Variants in PKD1L3 observed in about 807,000 individuals in gnomAD.
PKD1L3 encodes the protein polycystin 1 like 3, transient receptor potential channel interacting.
A neutral mutation model predicts 184.1 loss-of-function variants in PKD1L3; 239 were observed. The ratio of observed to expected loss-of-function variants is 1.30; its 90% CI spans 1.17 to 1.45. PKD1L3 has a LOEUF of 1.45. Ranked by LOEUF, PKD1L3 falls within the 40% of genes most tolerant of loss-of-function variation. The probability of loss-of-function intolerance (pLI) is 0.00; values close to 1 mark genes in which losing one functional copy is unlikely to be tolerated. For missense variants in PKD1L3, 2,660 were observed against 2,067.2 expected (o/e 1.29, Z -5.56); for synonymous variants, 996 against 778.8 (o/e 1.28, Z -4.64).
intron 26 of PKD1L3, among the ~76,000 whole-genome samples, chr16:71,934,941 G>A (rs759349689): frequency 3.3e-5 from 5 of 152,242 alleles, no homozygotes; most frequent in Non-Finnish European, 7.3e-5. Context: ...AAATCTCTTA[G>A]TATGGATGAG....
chr16:71,981,760 C>T (rs146627778), intron 7 of PKD1L3, among the ~76,000 whole-genome samples: 4 of 152,118 alleles, frequency 2.6e-5, no homozygotes, highest in South Asian at 2.1e-4. Context: ...AGGCTGGTCT[C>T]GAACTCCTGA....
At position 71,943,537 on chromosome 16, in the gene PKD1L3, C is replaced by CAAAAAA. The variant is rs10693124; in HGVS notation, c.3859+487_3859+492dup. Among the ~76,000 whole-genome samples, 43 of 84,416 alleles carry CAAAAAA rather than the reference C, an allele frequency of 5.1e-4. 1 individual carries two copies. Among genetic ancestry groups the CAAAAAA allele is most frequent in the East Asian group, 1.4e-3 (4 of 2,962 alleles). 55.4% of individuals were successfully genotyped at this position (84,416 alleles called of 152,430 possible). On this transcript the variant is annotated intron_variant, in intron 23 of 29. Coordinates refer to ENST00000620267, the MANE Select transcript of PKD1L3 (RefSeq NM_181536.2). ...TGGGCAACAAAGTGAGACTCCGTCT[C>CAAAAAA]AAAAAAAAAAAAAAAAAAAAACATA...
chr16:71,955,302 G>A (rs1264894742), intron 16 of PKD1L3, among the ~76,000 whole-genome samples: 2 of 152,030 alleles, frequency 1.3e-5, no homozygotes, highest in East Asian at 3.9e-4. Context: ...GCAGGGAGAG[G>A]AGTGGGAGGG....
intron 12 of PKD1L3, among the ~76,000 whole-genome samples, chr16:71,972,265 G>A (rs1361894315): frequency 6.6e-6 from 1 of 152,090 alleles, no homozygotes; most frequent in Non-Finnish European, 1.5e-5. Flanking sequence ...TGGGTGTGGT[G>A]GTGCATGCCT....
chr16:71,999,605 A>T, intron 1 of PKD1L3, 79 bp downstream of exon 1: 1 of 1,301,858 alleles, frequency 7.7e-7, no homozygotes, highest in Non-Finnish European at 1.0e-6. Flanking sequence ...CAGAAAGATT[A>T]AGATTTTCTT....
intron 21 of PKD1L3, among the ~76,000 whole-genome samples, chr16:71,948,362 C>T (rs961086915): frequency 1.8e-4 from 27 of 152,166 alleles, no homozygotes; most frequent in African/African-American, 5.1e-4. Flanking sequence ...GGTTTACAGG[C>T]GTGAGCCCCC....
At chr16:71,963,702 G>C (rs1192413814) in intron 15 of PKD1L3, among the ~76,000 whole-genome samples, 1 of 152,110 alleles carries the variant, frequency 6.6e-6, no homozygotes, top group Non-Finnish European at 1.5e-5. Context: ...AGGATTGTTT[G>C]AGCCCGGGAG....
In PKD1L3 at chr16:71,942,772, CG is replaced by C. The variant is rs1348135299; in HGVS notation, c.4111del (p.Arg1371ValfsTer34). On this transcript the variant is annotated frameshift_variant, in exon 24 of 30. Transcript: ENST00000620267. LOFTEE classifies it high-confidence loss of function. ...GTCCACTTTCTCATAGGTCTTGGTA[CG>C]GGGTATTTGGAAAATTAATTGTACC... ...CGVQLIFQIP[R>X]TKTYEKVDEG... 7.1e-6 allele frequency: 11 copies of C among 1,551,476 alleles called. No individual in the cohort carries two copies. Among genetic ancestry groups the C allele is most frequent in the Non-Finnish European group, 9.6e-6 (11 of 1,146,992 alleles).
rs770202044 is a variant in PKD1L3, at chr16:71,954,284, A to T, written c.2630T>A (p.Met877Lys). 1 of 1,541,986 alleles carries T rather than the reference A, an allele frequency of 6.5e-7. No individual in the cohort carries two copies. Among genetic ancestry groups the T allele is most frequent in the Non-Finnish European group, 8.7e-7 (1 of 1,143,224 alleles). Residue 877 changes from methionine to lysine, a missense_variant, in exon 17 of 30, where the codon ATG becomes AAG. Physicochemically the swap from Met to Lys is moderately conservative, Grantham distance 95 (BLOSUM62 -1). Coordinates refer to ENST00000620267, the MANE Select transcript of PKD1L3 (RefSeq NM_181536.2). ...LFSFRHLFSS[M>K]IVEKFTQDYL... ...ATCCTGGGTGAACTTTTCCACAATC[A>T]TGGAGGAAAACAGATGTCTGAAAAG...
chr16:71,944,115 T>C lies in PKD1L3; in HGVS notation c.3774A>G (p.Val1258=). 6.4e-7 allele frequency: 1 copy of C among 1,551,558 alleles called. No homozygotes were observed. Among genetic ancestry groups the C allele is most frequent in the South Asian group, 1.2e-5 (1 of 84,040 alleles). The change falls in exon 23 of 30, where the codon GTA becomes GTG. Residue 1258 remains valine (V), a synonymous_variant. Coordinates refer to ENST00000620267, the MANE Select transcript of PKD1L3 (RefSeq NM_181536.2). The part of the protein sequence containing the change: ...GSRDKNNPVY[V]APAINSPTKH... ...TAGTTGGACTATTTATAGCTGGGGCTACATAGACGGGGTTGTTCTTATCTC... is the reference window on the plus strand; with the variant it reads ...TAGTTGGACTATTTATAGCTGGGGCCACATAGACGGGGTTGTTCTTATCTC...
chr16:71,976,991 C>A (rs957521783), intron 11 of PKD1L3, among the ~76,000 whole-genome samples: 16 of 152,346 alleles, frequency 1.1e-4, no homozygotes, highest in African/African-American at 3.8e-4. Flanking sequence ...GATCTGCCCG[C>A]CTCGGCCTCC....
At chr16:71,977,203 A>C in intron 11 of PKD1L3, 33 bp downstream of exon 11, 2 of 1,447,114 alleles carry the variant, frequency 1.4e-6, no homozygotes. Flanking sequence ...AAAAGAAATC[A>C]AAGTAAGTTT....
In PKD1L3 at chr16:71,947,586, G is replaced by C. The variant is rs1310509181; in HGVS notation, c.3624C>G (p.Val1208=). 2 of 1,534,632 alleles carry C rather than the reference G, an allele frequency of 1.3e-6. No homozygotes were observed. Among genetic ancestry groups the C allele is most frequent in the African/African-American group, 1.4e-5 (1 of 72,592 alleles). The change falls in exon 22 of 30, where the codon GTC becomes GTG. Residue 1208 remains valine, a synonymous_variant. Transcript: ENST00000620267. The part of the protein sequence containing the change: ...NIFISQPVKV[V]FFTFLYSLMM... ...TCAGTGAGTATAAGAATGTGAAGAAGACCACCTGGGCAGGAGAATCACAGA... is the reference window on the plus strand; with the variant it reads ...TCAGTGAGTATAAGAATGTGAAGAACACCACCTGGGCAGGAGAATCACAGA...
rs1464949091 is a variant in PKD1L3, at chr16:71,929,795, T to C, written c.5059-117A>G. 32 of 1,137,958 alleles carry C rather than the reference T, an allele frequency of 2.8e-5. No homozygotes were observed. The East Asian group carries it at 5.9e-4, about 21-fold the overall frequency. 70.5% of individuals were successfully genotyped at this position (1,137,958 alleles called of 1,614,324 possible). ...AGTAAATGTAAAGATACTATTTCTT[T>C]AATAATTTGCAGTCAGGCATTGGAG... On this transcript the variant is annotated intron_variant, in intron 29 of 29. Transcript: ENST00000620267.
intron 17 of PKD1L3, 74 bp from the exon 18 acceptor site, chr16:71,953,167 T>A: frequency 8.0e-7 from 1 of 1,248,420 alleles, no homozygotes; most frequent in Non-Finnish European, 1.1e-6. Context: ...TCTCCTAGGT[T>A]TAACTATTTA....
At chr16:71,989,241 G>A (rs148911916) in intron 4 of PKD1L3, among the ~76,000 whole-genome samples, 141 of 152,252 alleles carry the variant, frequency 9.3e-4, no homozygotes, top group South Asian at 3.1e-3. Flanking sequence ...TGCAAACTCC[G>A]CCTCCTGGGT....
chr16:71,995,495 G>T (rs1433000587), intron 2 of PKD1L3, among the ~76,000 whole-genome samples: 6 of 151,536 alleles, frequency 4.0e-5, no homozygotes, highest in Non-Finnish European at 7.4e-5. Context: ...TTCTCCTTCT[G>T]TTATATTTAT....
chr16:71,950,451 G>A, intron 19 of PKD1L3, 141 bp from the exon 20 acceptor site: 1 of 693,890 alleles, frequency 1.4e-6, no homozygotes, highest in Middle Eastern at 4.1e-4. Context: ...CCCCACATTT[G>A]CAGTACTACC....
intron 4 of PKD1L3, 63 bp from the exon 5 acceptor site, chr16:71,986,532 C>T: frequency 6.8e-7 from 1 of 1,471,976 alleles, no homozygotes; most frequent in Non-Finnish European, 9.1e-7. Flanking sequence ...ATAATTAAGG[C>T]AGCATTTCCC....
Sources: gnomAD v4.1 joint callset for allele counts (sites outside exome capture counted in the v4.1 genomes callset) on GRCh38, gnomAD v4.1.1 for gene constraint, MANE v1.5 for transcripts, NCBI Gene and HGNC (gene_info 2026-07-23, HGNC 2026-07-21) for gene names.